The following GABRA3 variants were observed in gnomAD, a reference collection of about 807,000 sequenced individuals.
GABRA3 encodes gamma-aminobutyric acid type A receptor subunit alpha3, also known as gamma-aminobutyric acid receptor subunit alpha-3.
GABRA3 carries 10 observed loss-of-function variants against 30.1 expected under a neutral mutation model. The observed-to-expected ratio is 0.33, with a 90% confidence interval of 0.20 to 0.56. The LOEUF (loss-of-function observed/expected upper bound fraction) is 0.56, where lower values mean the gene tolerates loss of function less well. Among genes scored for constraint, GABRA3 ranks in the 20% least tolerant of loss-of-function variants. The pLI is 0.89. For synonymous variants in GABRA3, 151 were observed against 146.8 expected, an observed-to-expected ratio of 1.03 and a Z score of -0.21; for missense variants, 233 against 392.0, an observed-to-expected ratio of 0.59 and a Z score of 3.42.
intron 5 of GABRA3, among the ~76,000 whole-genome samples, chrX:152,244,642 G>A (rs1361811578): frequency 9.0e-6 from 1 of 111,384 alleles, no homozygotes; most frequent in East Asian, 2.8e-4. Context: ...CATTAAGACA[G>A]TGCCCATTTG....
At position 152,291,188 on chromosome X, in the gene GABRA3, C is replaced by T. The variant is rs147226609; in HGVS notation, c.263-6453G>A. Among the ~76,000 whole-genome samples the T allele has an allele frequency of 7.9e-3, 878 of 111,572 alleles. 11 individuals are homozygous for T. The highest frequency in any genetic ancestry group is 0.027 in the African/African-American group (836 of 30,669). ...CATTTGTTTGTGTCCTCTTTTATTT[C>T]GTTGAGCAATAGTTTGTAGCTCTCC... On this transcript the variant is annotated intron_variant, in intron 3 of 9. Coordinates refer to ENST00000370314, the MANE Select transcript of GABRA3 (RefSeq NM_000808.4).
intron 1 of GABRA3, among the ~76,000 whole-genome samples, chrX:152,430,271 G>C (rs1930621430): frequency 8.9e-6 from 1 of 111,837 alleles, no homozygotes; most frequent in Non-Finnish European, 1.9e-5. Context: ...GCTGGGGATG[G>C]GGTTGGAGAG....
At chrX:152,326,927 A>T (rs953242817) in intron 3 of GABRA3, among the ~76,000 whole-genome samples, 1 of 110,822 alleles carries the variant, frequency 9.0e-6, no homozygotes. Context: ...TAAAGAATCT[A>T]GACCCATCAG....
intron 6 of GABRA3, among the ~76,000 whole-genome samples, chrX:152,213,011 C>G (rs1213451484): frequency 9.0e-6 from 1 of 111,181 alleles, no homozygotes; most frequent in African/African-American, 3.3e-5. Context: ...GGATATCTAC[C>G]TGACAATTAG....
At chrX:152,220,817 CTG>C (rs201926760) in intron 6 of GABRA3, among the ~76,000 whole-genome samples, 1 of 109,659 alleles carries the variant, frequency 9.1e-6, no homozygotes, top group African/African-American at 3.3e-5. Context: ...CAATCAGTCA[CTG>C]TGTGTGTGTG....
At chrX:152,405,844 C>T (rs1027697200) in intron 1 of GABRA3, among the ~76,000 whole-genome samples, 1 of 111,393 alleles carries the variant, frequency 9.0e-6, no homozygotes, top group African/African-American at 3.3e-5. Context: ...TTCCATGGCC[C>T]TTGGGCAAGA....
chrX:152,231,013 C>A (rs1315703749), intron 5 of GABRA3, among the ~76,000 whole-genome samples: 2 of 109,281 alleles, frequency 1.8e-5, no homozygotes, highest in Non-Finnish European at 3.8e-5. Context: ...AATGAAAAGA[C>A]AAGGCACAAA....
chrX:152,400,897 T>C (rs1215426101), intron 1 of GABRA3, among the ~76,000 whole-genome samples: 1 of 111,217 alleles, frequency 9.0e-6, no homozygotes, highest in Admixed American at 9.6e-5. Context: ...TAAGAGCTGA[T>C]AAAGAAAACT....
intron 1 of GABRA3, among the ~76,000 whole-genome samples, chrX:152,378,930 G>C (rs764340233): frequency 9.0e-6 from 1 of 111,373 alleles, no homozygotes; most frequent in Non-Finnish European, 1.9e-5. Flanking sequence ...TTACCAGGGA[G>C]ATATAATAAA....
rs1350842233 is a variant in GABRA3 at position 152,419,328 on chromosome X, A to G, written c.-27+31818T>C. ...TAAAAAATAAATGTAACACACAAAA[A>G]AAGAAGAAAAAAGAAAATTAAAAGC... is the stretch of plus-strand genomic sequence containing the variant. On this transcript the variant is annotated intron_variant, in intron 1 of 9. Transcript: ENST00000370314. 3.6e-5 allele frequency among the ~76,000 whole-genome samples: 4 copies of G among 111,489 alleles called. No individual in the cohort carries two copies. In the South Asian group the frequency reaches 1.5e-3, roughly 41 times the overall value.
At chrX:152,217,190 A>G (rs1287760629) in intron 6 of GABRA3, among the ~76,000 whole-genome samples, 1 of 111,340 alleles carries the variant, frequency 9.0e-6, no homozygotes, top group Non-Finnish European at 1.9e-5. Context: ...ATGTTTCCTC[A>G]TGTATTGAGA....
intron 1 of GABRA3, among the ~76,000 whole-genome samples, chrX:152,399,457 T>C (rs1234676190): frequency 9.0e-6 from 1 of 111,517 alleles, no homozygotes; most frequent in Non-Finnish European, 1.9e-5. Flanking sequence ...TTCTATCACA[T>C]ATGAAGACCA....
At chrX:152,233,967 A>G (rs771374375) in intron 5 of GABRA3, among the ~76,000 whole-genome samples, 37 of 102,809 alleles carry the variant, frequency 3.6e-4, no homozygotes, top group Middle Eastern at 4.9e-3. Context: ...AACACCGCAT[A>G]TTCTCACTCA....
chrX:152,272,226 G>A (rs1465861279), intron 4 of GABRA3, among the ~76,000 whole-genome samples: 3 of 112,297 alleles, frequency 2.7e-5, no homozygotes, highest in African/African-American at 6.5e-5. Context: ...AAGCAGCTGG[G>A]AGGGGGACTG....
chrX:152,321,396 A>C (rs1939961859), intron 3 of GABRA3, among the ~76,000 whole-genome samples: 1 of 111,612 alleles, frequency 9.0e-6, no homozygotes, highest in South Asian at 3.8e-4. Flanking sequence ...AAAGATCATC[A>C]GGGAATTCCA....
intron 5 of GABRA3, among the ~76,000 whole-genome samples, chrX:152,248,565 C>A (rs1299471367): frequency 9.0e-6 from 1 of 111,723 alleles, no homozygotes; most frequent in African/African-American, 3.2e-5. Context: ...TGGGGAACAC[C>A]TGCTTTGAAA....
chrX:152,318,073 T>C, intron 3 of GABRA3, among the ~76,000 whole-genome samples: 1 of 111,291 alleles, frequency 9.0e-6, no homozygotes, highest in Non-Finnish European at 1.9e-5. Flanking sequence ...ATTAGCAAGA[T>C]TAACCAAAAA....
intron 1 of GABRA3, chrX:152,393,459 G>A (rs1389700010): frequency 5.3e-6 from 2 of 380,922 alleles, no homozygotes; most frequent in East Asian, 1.5e-4. Flanking sequence ...AAACCATGGG[G>A]TATGAGCAGA....
chrX:152,336,882 T>C (rs1219626223), intron 3 of GABRA3, among the ~76,000 whole-genome samples: 1 of 111,207 alleles, frequency 9.0e-6, no homozygotes, highest in Non-Finnish European at 1.9e-5. Flanking sequence ...AGGAAATCCA[T>C]TGGCTACAAG....
Sources: allele counts gnomAD v4.1 joint callset (sites outside exome capture counted in the v4.1 genomes callset), GRCh38; gene constraint gnomAD v4.1.1; transcripts MANE v1.5; gene names NCBI Gene and HGNC (gene_info 2026-07-23, HGNC 2026-07-21).